The following PCDH19 variants were observed in gnomAD, a reference collection of about 807,000 sequenced individuals.
PCDH19 encodes the protein protocadherin-19.
A neutral mutation model predicts 46.2 loss-of-function variants in PCDH19; 6 were observed. That is an observed-to-expected ratio of 0.13 (90% CI 0.07 to 0.26). PCDH19 has a LOEUF of 0.26. PCDH19 is among the 10% of genes least tolerant of loss of function. The pLI, the probability that PCDH19 is intolerant of heterozygous loss-of-function variation, is 1.00. For missense variants in PCDH19, 740 were observed against 972.3 expected (o/e 0.76, Z 3.18); for synonymous variants, 481 against 415.7 (o/e 1.16, Z -1.91).
At position 100,408,686 on chromosome X, in the gene PCDH19, G is replaced by A. The variant is rs1349201305; in HGVS notation, c.-89C>T. 10 of 837,341 alleles carry A rather than the reference G, an allele frequency of 1.2e-5. No homozygotes were observed. The highest frequency in any genetic ancestry group is 1.7e-5 in the Non-Finnish European group (10 of 591,828). 69.0% of individuals were successfully genotyped at this position (837,341 alleles called of 1,213,427 possible). A position where few individuals can be genotyped will look rare whatever the true frequency, so the allele number is the denominator to read the frequency against. ...CTCCAGCTTCCCGCCGGCTCGGGCC[G>A]CCTGTTGCGCGCGCCCCGTGGCCCC... On this transcript the variant is annotated 5_prime_UTR_variant, in exon 1 of 6. Transcript: ENST00000373034.
intron 3 of PCDH19, among the ~76,000 whole-genome samples, chrX:100,365,931 C>T (rs572183988): frequency 4.5e-5 from 5 of 111,997 alleles, no homozygotes; most frequent in African/African-American, 6.5e-5. Flanking sequence ...GTCTTGTCAA[C>T]TAAATTTCTC....
Position 100,408,039 on chromosome X carries a change from A to C in PCDH19, c.559T>G (p.Phe187Val), listed in dbSNP as rs764980282. Residue 187 changes from phenylalanine (F) to valine (V), a missense_variant, in exon 1 of 6, where the codon TTT (phenylalanine) becomes GTT (valine). Around this residue, in one of 5 missense-constraint regions of PCDH19, gnomAD observed 48 missense variants for 43.2 expected, o/e 1.11. Transcript: ENST00000373034. ...CTCTTTTCCACCACGAGTTCGGCAA[A>C]GCGGGAGCCGTCGCCGCGCGTCTTG... ...EIKTRGDGSR[F>V]AELVVEKSLD... 8.3e-6 allele frequency: 10 copies of C among 1,207,570 alleles called. No individual in the cohort carries two copies. In the Admixed American group the frequency reaches 2.0e-4, roughly 24 times the overall value.
At chrX:100,319,212 T>TTGGAG (rs1925401794) in intron 5 of PCDH19, among the ~76,000 whole-genome samples, 1 of 111,139 alleles carries the variant, frequency 9.0e-6, no homozygotes, top group Non-Finnish European at 1.9e-5. Context: ...GAGAGGGGAA[T>TTGGAG]TGGAGTGGAG....
chrX:100,333,112 GGGAA>G (rs778212504), intron 5 of PCDH19, among the ~76,000 whole-genome samples: 2,250 of 34,783 alleles, frequency 0.065, 193 homozygotes, highest in Middle Eastern at 0.14. Flanking sequence ...GAAGGAGGGA[GGGAA>G]GGAAGGAAGG....
intron 3 of PCDH19, among the ~76,000 whole-genome samples, chrX:100,401,760 T>A (rs1330738437): frequency 9.0e-6 from 1 of 111,387 alleles, no homozygotes; most frequent in African/African-American, 3.3e-5. Flanking sequence ...ACTCTTTTTT[T>A]TTTTCGTTGT....
At chrX:100,349,193 A>G (rs1253486355) in intron 4 of PCDH19, among the ~76,000 whole-genome samples, 1 of 112,301 alleles carries the variant, frequency 8.9e-6, no homozygotes, top group African/African-American at 3.2e-5. Context: ...AGCTTTGAAA[A>G]TAACAATTCG....
At chrX:100,302,103 C>G (rs1257448429) in intron 5 of PCDH19, among the ~76,000 whole-genome samples, 1 of 111,612 alleles carries the variant, frequency 9.0e-6, no homozygotes, top group Non-Finnish European at 1.9e-5. Flanking sequence ...GTCTGACTAC[C>G]ATGAGGCAAC....
chrX:100,402,421 A>C, intron 3 of PCDH19, 103 bp downstream of exon 3: 1 of 712,280 alleles, frequency 1.4e-6, no homozygotes. Flanking sequence ...AATTCTCCCC[A>C]CCCCTGCCAG....
At chrX:100,404,109 G>A (rs1400276899) in intron 1 of PCDH19, among the ~76,000 whole-genome samples, 1 of 111,679 alleles carries the variant, frequency 9.0e-6, no homozygotes, top group Non-Finnish European at 1.9e-5. Flanking sequence ...GTTCTGCGGA[G>A]GCTTAGAAAA....
chrX:100,397,967 T>C, intron 3 of PCDH19, among the ~76,000 whole-genome samples: 1 of 105,574 alleles, frequency 9.5e-6, no homozygotes, highest in Non-Finnish European at 1.9e-5. Flanking sequence ...CCTCCTTTCC[T>C]CTCTCTTCAC....
At chrX:100,312,866 G>A (rs1024228131) in intron 5 of PCDH19, among the ~76,000 whole-genome samples, 1 of 111,121 alleles carries the variant, frequency 9.0e-6, no homozygotes, top group Non-Finnish European at 1.9e-5. Context: ...GAGTTAACTC[G>A]AGCCTTTGCA....
chrX:100,341,786 G>A (rs987373217), intron 5 of PCDH19, 117 bp downstream of exon 5: 1 of 637,309 alleles, frequency 1.6e-6, no homozygotes, highest in African/African-American at 2.2e-5. Flanking sequence ...CTGCTGAGGT[G>A]TGAGCTCTGT....
In PCDH19 at chrX:100,387,187, T is replaced by G. The variant is rs138410825; in HGVS notation, c.2616+15337A>C. ...GTGAGAAGTTTATACAGCCATCAATTAAAGAGGTGTTCCAAAGGATGTTGG... is the reference window on the plus strand; with the variant it reads ...GTGAGAAGTTTATACAGCCATCAATGAAAGAGGTGTTCCAAAGGATGTTGG... On this transcript the variant is annotated intron_variant, in intron 3 of 5. Coordinates refer to ENST00000373034, the MANE Select transcript of PCDH19 (RefSeq NM_001184880.2). Among the ~76,000 whole-genome samples, 271 of 112,070 alleles carry G rather than the reference T, an allele frequency of 2.4e-3. 2 individuals carry two copies. The South Asian group carries it at 0.034, about 14-fold the overall frequency.
chrX:100,308,955 C>T (rs1292038465), intron 5 of PCDH19, among the ~76,000 whole-genome samples: 1 of 111,655 alleles, frequency 9.0e-6, no homozygotes, highest in Non-Finnish European at 1.9e-5. Context: ...CTATGGAAAA[C>T]AGTGTGGACA....
intron 5 of PCDH19, among the ~76,000 whole-genome samples, chrX:100,328,195 A>C (rs1925757443): frequency 8.9e-6 from 1 of 112,143 alleles, no homozygotes; most frequent in African/African-American, 3.2e-5. Flanking sequence ...TTTTATTTTA[A>C]ACAAATGAGA....
chrX:100,321,744 T>G (rs1163740666), intron 5 of PCDH19, among the ~76,000 whole-genome samples: 2 of 107,355 alleles, frequency 1.9e-5, no homozygotes, highest in Non-Finnish European at 3.8e-5. Flanking sequence ...TCTTTTGCAG[T>G]GCAAAAGCTC....
In PCDH19 at chrX:100,409,680, T is replaced by C; in HGVS notation, c.-1083A>G. On this transcript the variant is annotated 5_prime_UTR_variant, in exon 1 of 6. Transcript: ENST00000373034. ...GTGGGTACCGGGTGCTTCTCTTCTC[T>C]CCGTTTGGGCTGGGGTGTCGCTCCA... The C allele has an allele frequency of 4.4e-6, 1 of 227,537 alleles. No individual in the cohort carries two copies. Among genetic ancestry groups the C allele is most frequent in the Non-Finnish European group, 7.7e-6 (1 of 129,936 alleles). 18.8% of individuals were successfully genotyped at this position (227,537 alleles called of 1,213,427 possible).
chrX:100,396,966 C>T (rs1928043098), intron 3 of PCDH19, among the ~76,000 whole-genome samples: 1 of 112,137 alleles, frequency 8.9e-6, no homozygotes, highest in Non-Finnish European at 1.9e-5. Flanking sequence ...TTCCAAGACC[C>T]TACTGTAATA....
At chrX:100,336,987 G>A (rs1926108632) in intron 5 of PCDH19, among the ~76,000 whole-genome samples, 1 of 111,082 alleles carries the variant, frequency 9.0e-6, no homozygotes, top group South Asian at 3.9e-4. Context: ...GCAAGAAGGA[G>A]CCAGACCCCA....
Sources: allele counts gnomAD v4.1 joint callset (sites outside exome capture counted in the v4.1 genomes callset), GRCh38; gene constraint gnomAD v4.1.1; regional missense constraint gnomAD v4.1.1; transcripts MANE v1.5; gene names NCBI Gene and HGNC (gene_info 2026-07-23, HGNC 2026-07-21).